KCNJ18: variants seen among roughly 807,000 people sequenced by gnomAD.
KCNJ18 encodes the protein inward rectifier potassium channel 18.
In KCNJ18, 16 loss-of-function variants were observed where a neutral mutation model predicts 17.3. The observed-to-expected ratio is 0.92, with a 90% CI of 0.62 to 1.40. The LOEUF is 1.40. Ranked by LOEUF, KCNJ18 falls within the 40% of genes most tolerant of loss-of-function variation. KCNJ18 has a pLI of 0.00. For synonymous variants in KCNJ18, 185 were observed against 262.6 expected, an observed-to-expected ratio of 0.70 and a Z score of 2.86; for missense variants, 462 against 626.8, an observed-to-expected ratio of 0.74 and a Z score of 2.81.
intron 1 of KCNJ18, among the ~76,000 whole-genome samples, chr17:21,694,995 T>C (rs1210077258): frequency 2.7e-5 from 4 of 150,706 alleles, no homozygotes; most frequent in Admixed American, 1.3e-4. Context: ...ATCCCATTCG[T>C]CTATCCATCC....
rs1906082463 is a variant in KCNJ18, at chr17:21,704,106, T to C, written c.*18T>C. On this transcript the variant is annotated 3_prime_UTR_variant, in exon 3 of 3. Coordinates refer to ENST00000567955, the MANE Select transcript of KCNJ18 (RefSeq NM_001194958.2). ...AGATCTGAGCCAACCTTGGCCGACATGCAGCATCCACCCCTGGCCGGGGAG... is the reference window on the plus strand; with the variant it reads ...AGATCTGAGCCAACCTTGGCCGACACGCAGCATCCACCCCTGGCCGGGGAG... 6.5e-7 allele frequency: 1 copy of C among 1,528,990 alleles called. No individual in the cohort carries two copies. The highest frequency in any genetic ancestry group is 1.4e-5 in the African/African-American group (1 of 72,816). 94.7% of individuals were successfully genotyped at this position (1,528,990 alleles called of 1,614,324 possible).
In KCNJ18 at chr17:21,703,049, C is replaced by T. The variant is rs1352712840; in HGVS notation, c.263C>T (p.Ser88Leu). The change falls in exon 3 of 3, where the codon TCG (serine) becomes TTG (leucine). Residue 88 changes from serine to leucine, a missense_variant. By Grantham distance (145) the Ser-to-Leu change is moderately radical (BLOSUM62 -2). Transcript: ENST00000567955. ...IRWRYMLLIF[S>L]LAFLASWLLF... Reference sequence around the variant, plus strand: ...TGGCGCTACATGCTGCTCATCTTCTCGCTGGCCTTCCTTGCCTCCTGGCTG... The same window carrying T: ...TGGCGCTACATGCTGCTCATCTTCTTGCTGGCCTTCCTTGCCTCCTGGCTG... The T allele has an allele frequency of 2.1e-5, 34 of 1,613,114 alleles. No individual in the cohort carries two copies. The highest frequency in any genetic ancestry group is 1.2e-4 in the South Asian group (11 of 90,998).
In KCNJ18 at chr17:21,696,048, CT is replaced by C. The variant is rs1815866571; in HGVS notation, c.-111del. On this transcript the variant is annotated 5_prime_UTR_variant, in exon 2 of 3. It introduces an in-frame stop codon into an upstream open reading frame of the 5' UTR. Coordinates refer to ENST00000567955, the MANE Select transcript of KCNJ18 (RefSeq NM_001194958.2). ...AAATGGCAGCCACTACTAATTCAGC[CT>C]TGAAGACAGTACCGTGCCTACTCAG... The C allele has an allele frequency of 1.3e-5, 2 of 152,382 alleles. No homozygotes were observed. The highest frequency in any genetic ancestry group is 4.8e-5 in the African/African-American group (2 of 41,480). The allele number at this position is 152,382 out of a possible 1,614,324, so 9.4% of individuals were successfully genotyped here. A position where few individuals can be genotyped will look rare whatever the true frequency, so the allele number is the denominator to read the frequency against.
At position 21,703,815 on chromosome 17, in the gene KCNJ18, G is replaced by A. The variant is rs1229900994; in HGVS notation, c.1029G>A (p.Ser343=). 20 of 1,609,416 alleles carry A rather than the reference G, an allele frequency of 1.2e-5. No homozygotes were observed. The South Asian group carries it at 1.5e-4, about 12-fold the overall frequency. The change falls in exon 3 of 3, where the codon TCG becomes TCA. Residue 343 remains serine (S), a synonymous_variant. Transcript: ENST00000567955. The part of the protein sequence containing the change: ...EEKNQYKIDY[S]HFHKTYEVPS... ...AGAACCAGTACAAGATTGACTACTC[G>A]CACTTCCACAAGACCTATGAGGTGC...
chr17:21,698,494 C>A (rs1417607742), intron 2 of KCNJ18, among the ~76,000 whole-genome samples: 1 of 152,016 alleles, frequency 6.6e-6, no homozygotes, highest in African/African-American at 2.4e-5. Context: ...CCTCCCCCTC[C>A]GAGTCCCTAT....
intron 2 of KCNJ18, 68 bp from the exon 3 acceptor site, chr17:21,702,663 C>A (rs1906000133): frequency 9.5e-7 from 1 of 1,052,478 alleles, no homozygotes; most frequent in Non-Finnish European, 1.4e-6. Context: ...CGTCTGGGGG[C>A]CCTGGGATGG....
rs1905636493 is a variant in KCNJ18 at position 21,692,720 on chromosome 17, T to TG, written c.-179+10dup. On this transcript the variant is annotated splice_region_variant and intron_variant, in intron 1 of 2. Coordinates refer to ENST00000567955, the MANE Select transcript of KCNJ18 (RefSeq NM_001194958.2). ...CCTCGTGACAGTCTCCCGAGGTGTG[T>TG]GGGGTCTCCTCATTTTGCAGATGGG... is the stretch of plus-strand genomic sequence containing the variant. The TG allele has an allele frequency of 6.5e-6, 1 of 152,940 alleles. No individual in the cohort carries two copies. The highest frequency in any genetic ancestry group is 1.5e-5 in the Non-Finnish European group (1 of 68,566). The allele number at this position is 152,940 out of a possible 1,614,324, so 9.5% of individuals were successfully genotyped here.
chr17:21,696,563 T>C (rs1905765333), intron 2 of KCNJ18, among the ~76,000 whole-genome samples: 1 of 152,246 alleles, frequency 6.6e-6, no homozygotes. Flanking sequence ...TCTTTGCTAG[T>C]ACCTGCATCA....
chr17:21,694,855 C>T (rs2142266555), intron 1 of KCNJ18, among the ~76,000 whole-genome samples: 1 of 152,216 alleles, frequency 6.6e-6, no homozygotes, highest in East Asian at 1.9e-4. Flanking sequence ...ATCCATTAAT[C>T]TGTTCATCCA....
At chr17:21,698,719 C>G (rs1347326195) in intron 2 of KCNJ18, among the ~76,000 whole-genome samples, 1 of 152,124 alleles carries the variant, frequency 6.6e-6, no homozygotes, top group Non-Finnish European at 1.5e-5. Context: ...GGTCACGTGG[C>G]AGCTGCCGTC....
chr17:21,703,924 G>A lies in KCNJ18; in HGVS notation c.1138G>A (p.Glu380Lys). 4.3e-6 allele frequency: 7 copies of A among 1,611,630 alleles called. No homozygotes were observed. In the Admixed American group the frequency reaches 8.3e-5, roughly 19 times the overall value. ...PSANSFCYEN[E>K]LAFLSRDEED... ...TGCCAACTCCTTCTGCTATGAGAAC[G>A]AGCTGGCCTTCCTGAGCCGTGACGA... The change falls in exon 3 of 3, where the codon GAG becomes AAG. Residue 380 changes from glutamate to lysine, a missense_variant. Transcript: ENST00000567955.
chr17:21,701,573 G>T (rs1905952807), intron 2 of KCNJ18, among the ~76,000 whole-genome samples: 1 of 152,184 alleles, frequency 6.6e-6, no homozygotes, highest in Non-Finnish European at 1.5e-5. Context: ...TGTTCAAAGT[G>T]GGTGGCGACA....
intron 1 of KCNJ18, among the ~76,000 whole-genome samples, chr17:21,693,709 C>A (rs1346784388): frequency 6.6e-6 from 1 of 152,252 alleles, no homozygotes; most frequent in Non-Finnish European, 1.5e-5. Flanking sequence ...AGGGGGTGGA[C>A]CCAAGTCCCT....
chr17:21,695,455 TTCC>T (rs1905732696), intron 1 of KCNJ18, among the ~76,000 whole-genome samples: 3 of 141,640 alleles, frequency 2.1e-5, no homozygotes, highest in African/African-American at 7.8e-5. Flanking sequence ...CCATCCATCC[TTCC>T]ATCCATCCAT....
At chr17:21,693,804 C>T (rs1283227736) in intron 1 of KCNJ18, among the ~76,000 whole-genome samples, 7 of 150,846 alleles carry the variant, frequency 4.6e-5, no homozygotes, top group Non-Finnish European at 1.5e-5. Flanking sequence ...TCCATCCATC[C>T]ACCCGTCCAT....
intron 2 of KCNJ18, among the ~76,000 whole-genome samples, chr17:21,697,798 C>G (rs1236405850): frequency 6.6e-6 from 1 of 152,312 alleles, no homozygotes; most frequent in Admixed American, 6.5e-5. Flanking sequence ...CTGGGCTTTC[C>G]AGGCCCCAGT....
chr17:21,703,141 G>A lies in KCNJ18; in HGVS notation c.355G>A (p.Gly119Ser), dbSNP rs1215623523. 2.0e-5 allele frequency: 32 copies of A among 1,610,806 alleles called. No homozygotes were observed. The highest frequency in any genetic ancestry group is 3.3e-4 in the Middle Eastern group (2 of 6,084). The change falls in exon 3 of 3, where the codon GGC becomes AGC. Residue 119 changes from glycine to serine, a missense_variant. Coordinates refer to ENST00000567955, the MANE Select transcript of KCNJ18 (RefSeq NM_001194958.2). ...TGACCTGGAGCCGGCTGAGGGCCAC[G>A]GCCGCACACCCTGTGTGATGCAGGT... ...HGDLEPAEGHGRTPCVMQVHG... is the reference protein window; with the variant it reads ...HGDLEPAEGHSRTPCVMQVHG...
In KCNJ18 at chr17:21,695,447, ATCCATCCT is replaced by A. The variant is rs1251331622; in HGVS notation, c.-178-528_-178-521del. Among the ~76,000 whole-genome samples the A allele has an allele frequency of 1.6e-3, 243 of 149,670 alleles. 1 individual carries two copies. The highest frequency in any genetic ancestry group is 0.01 in the South Asian group (47 of 4,676). Reference sequence around the variant, plus strand: ...TTTTCCACCCACCTATCCATCATCCATCCATCCTTCCATCCATCCATCCATCCATCCAT... The same window carrying A: ...TTTTCCACCCACCTATCCATCATCCATCCATCCATCCATCCATCCATCCAT... On this transcript the variant is annotated intron_variant, in intron 1 of 2. Transcript: ENST00000567955.
At chr17:21,693,040 C>A (rs1454163302) in intron 1 of KCNJ18, among the ~76,000 whole-genome samples, 1 of 152,310 alleles carries the variant, frequency 6.6e-6, no homozygotes, top group Non-Finnish European at 1.5e-5. Flanking sequence ...GCCAGCCCGG[C>A]CTGTTGGCCC....
Sources: allele counts gnomAD v4.1 joint callset (sites outside exome capture counted in the v4.1 genomes callset), GRCh38; gene constraint gnomAD v4.1.1; transcripts MANE v1.5; gene names NCBI Gene and HGNC (gene_info 2026-07-23, HGNC 2026-07-21).